ZNF425: variants seen among roughly 807,000 people sequenced by gnomAD.
ZNF425 encodes the protein zinc finger protein 425.
In ZNF425, 21 loss-of-function variants were observed where a neutral mutation model predicts 17.0. That is an observed-to-expected ratio of 1.23 (90% CI 0.88 to 1.78). The LOEUF is 1.78. Among genes scored for constraint, ZNF425 ranks in the 40% most tolerant of loss-of-function variants. The probability of loss-of-function intolerance (pLI) is 0.00; values close to 1 mark genes in which losing one functional copy is unlikely to be tolerated. For missense variants in ZNF425, 868 were observed against 967.3 expected, an observed-to-expected ratio of 0.90 and a Z score of 1.36; for synonymous variants, 433 against 384.1, an observed-to-expected ratio of 1.13 and a Z score of -1.49.
chr7:149,126,084 A>C, intron 1 of ZNF425, 112 bp downstream of exon 1: 1 of 1,572,852 alleles, frequency 6.4e-7, no homozygotes, highest in African/African-American at 1.4e-5. Context: ...GGCCACTGCC[A>C]ACCCCCAGGC....
chr7:149,108,476 G>T (rs80174858), intron 3 of ZNF425, among the ~76,000 whole-genome samples: 4,993 of 152,240 alleles, frequency 0.033, 267 homozygotes, highest in African/African-American at 0.11. Context: ...CTAAAAACAT[G>T]CTTTTACTAT....
chr7:149,111,775 G>A (rs527579018), intron 3 of ZNF425, among the ~76,000 whole-genome samples: 1 of 151,302 alleles, frequency 6.6e-6, no homozygotes, highest in Non-Finnish European at 1.5e-5. Context: ...CGCCTCCCAC[G>A]TTCAAACAAT....
At position 149,112,288 on chromosome 7, in the gene ZNF425, A is replaced by G; in HGVS notation, c.153T>C (p.Ala51=). Residue 51 remains alanine (A), a synonymous_variant, in exon 3 of 4, where the codon GCT becomes GCC. Transcript: ENST00000378061. ...NYETLDSLGY[A]FSKPDLITWM... ...ATGTGATCAAATCTGGCTTGGAAAA[A>G]GCATACCCTGCAAATAGAGTCCACA... The G allele has an allele frequency of 1.2e-6, 2 of 1,613,346 alleles. No individual in the cohort carries two copies. The highest frequency in any genetic ancestry group is 1.7e-6 in the Non-Finnish European group (2 of 1,179,712).
In ZNF425 at chr7:149,105,470, T is replaced by C. The variant is rs1446526634; in HGVS notation, c.401A>G (p.Lys134Arg). The change falls in exon 4 of 4, where the codon AAG (lysine) becomes AGG (arginine). Residue 134 changes from lysine to arginine, a missense_variant. Physicochemically the swap from Lys to Arg is conservative, Grantham distance 26 (BLOSUM62 2). Around this residue, in one of 5 missense-constraint regions of ZNF425, gnomAD observed 179 missense variants for 216.3 expected, o/e 0.83. Transcript: ENST00000378061. Reference sequence around the variant, plus strand: ...GGTGGCTGTTTGAGCTAATAAAATCTTTCTCTCTTTCCCTCGTAAGGCAGC... The same window carrying C: ...GGTGGCTGTTTGAGCTAATAAAATCCTTCTCTCTTTCCCTCGTAAGGCAGC... ...LCAALRGKERKILLAQTATFQ... is the reference protein window; with the variant it reads ...LCAALRGKERRILLAQTATFQ... 1 of 1,526,536 alleles carries C rather than the reference T, an allele frequency of 6.6e-7. No individual in the cohort carries two copies. The allele number at this position is 1,526,536 out of a possible 1,614,324, so 94.6% of individuals were successfully genotyped here.
chr7:149,123,841 CTTTTTTT>C (rs11301508), intron 1 of ZNF425, among the ~76,000 whole-genome samples: 79 of 128,178 alleles, frequency 6.2e-4, no homozygotes, highest in African/African-American at 2.0e-3. Context: ...CTTGCTTTTT[CTTTTTTT>C]TTTTTTTTTT....
At chr7:149,119,912 G>A (rs1461809079) in intron 1 of ZNF425, among the ~76,000 whole-genome samples, 4 of 151,958 alleles carry the variant, frequency 2.6e-5, no homozygotes, top group Non-Finnish European at 5.9e-5. Flanking sequence ...ATGTGCACGG[G>A]GTATATGTAA....
At chr7:149,108,874 T>C (rs1294732068) in intron 3 of ZNF425, among the ~76,000 whole-genome samples, 2 of 151,928 alleles carry the variant, frequency 1.3e-5, no homozygotes, top group African/African-American at 4.8e-5. Context: ...TTTGGTGACA[T>C]AGCAAGACTC....
intron 1 of ZNF425, among the ~76,000 whole-genome samples, chr7:149,121,435 A>C (rs1274151197): frequency 1.4e-5 from 2 of 146,522 alleles, no homozygotes; most frequent in Non-Finnish European, 3.0e-5. Flanking sequence ...TCTGTGGCCC[A>C]GGCTGGAGTG....
chr7:149,124,746 G>T (rs1826426859), intron 1 of ZNF425, among the ~76,000 whole-genome samples: 1 of 151,120 alleles, frequency 6.6e-6, no homozygotes, highest in African/African-American at 2.4e-5. Flanking sequence ...TCTCCATGTT[G>T]GTCAGGCTGG....
At chr7:149,121,859 G>GT (rs1197653441) in intron 1 of ZNF425, among the ~76,000 whole-genome samples, 3 of 151,998 alleles carry the variant, frequency 2.0e-5, no homozygotes, top group African/African-American at 7.2e-5. Context: ...CTTTTTATGT[G>GT]TTTTTTCCCA....
chr7:149,119,110 GA>G (rs1158551808), intron 1 of ZNF425, among the ~76,000 whole-genome samples: 2 of 125,190 alleles, frequency 1.6e-5, no homozygotes, highest in Non-Finnish European at 3.4e-5. Context: ...AACCAGCCTA[GA>G]TTTTTTTTTT....
intron 3 of ZNF425, among the ~76,000 whole-genome samples, chr7:149,108,650 T>C (rs1196684827): frequency 3.3e-5 from 5 of 152,084 alleles, no homozygotes; most frequent in African/African-American, 1.2e-4. Flanking sequence ...TCCCAGCACT[T>C]TGGGAGGCTG....
chr7:149,123,972 C>A (rs1334387549), intron 1 of ZNF425, among the ~76,000 whole-genome samples: 2 of 151,606 alleles, frequency 1.3e-5, no homozygotes, highest in Admixed American at 1.3e-4. Flanking sequence ...CTCAGCCTCC[C>A]GAGTAGCTGG....
intron 1 of ZNF425, chr7:149,118,683 C>A: frequency 2.4e-6 from 1 of 409,572 alleles, no homozygotes; most frequent in Non-Finnish European, 4.9e-6. Flanking sequence ...GGCGTGATGG[C>A]ACATTCCTGT....
At chr7:149,117,245 C>T (rs1223591848) in intron 2 of ZNF425, among the ~76,000 whole-genome samples, 4 of 120,958 alleles carry the variant, frequency 3.3e-5, no homozygotes, top group South Asian at 4.0e-4. Flanking sequence ...GTATGGACTC[C>T]GTCTCAAAAA....
chr7:149,118,640 C>T (rs751163012), intron 1 of ZNF425: 16 of 422,498 alleles, frequency 3.8e-5, no homozygotes, highest in Non-Finnish European at 6.0e-5. Context: ...CATGGCAAAA[C>T]CTCATCTCTA....
chr7:149,108,834 G>A (rs1395270753), intron 3 of ZNF425, among the ~76,000 whole-genome samples: 3 of 152,136 alleles, frequency 2.0e-5, no homozygotes, highest in Admixed American at 6.6e-5. Flanking sequence ...GGAAGTTGCA[G>A]TGAGCTGAGA....
chr7:149,107,834 C>CTATT (rs1214734905), intron 3 of ZNF425, among the ~76,000 whole-genome samples: 33 of 92,376 alleles, frequency 3.6e-4, no homozygotes, highest in Admixed American at 2.1e-3. Context: ...GAACTCTCTC[C>CTATT]CATTTATTTA....
chr7:149,114,783 TAAA>T (rs75085279), intron 2 of ZNF425, among the ~76,000 whole-genome samples: 10 of 114,784 alleles, frequency 8.7e-5, no homozygotes, highest in Admixed American at 1.9e-4. Context: ...ACACTGTGAG[TAAA>T]AAAAAAAAAA....
Sources: allele counts gnomAD v4.1 joint callset (sites outside exome capture counted in the v4.1 genomes callset), GRCh38; gene constraint gnomAD v4.1.1; regional missense constraint gnomAD v4.1.1; transcripts MANE v1.5; gene names NCBI Gene and HGNC (gene_info 2026-07-23, HGNC 2026-07-21).